The following C3orf18 variants were observed in gnomAD, a reference collection of about 807,000 sequenced individuals.
The protein encoded by C3orf18 is uncharacterized protein C3orf18.
A neutral mutation model predicts 14.1 loss-of-function variants in C3orf18; 12 were observed. That is an observed-to-expected ratio of 0.85 (90% CI 0.55 to 1.38). The LOEUF (loss-of-function observed/expected upper bound fraction) is 1.38, where lower values mean the gene tolerates loss of function less well. Among genes scored for constraint, C3orf18 ranks in the 40% most tolerant of loss-of-function variants. C3orf18 has a pLI of 0.00. For missense variants in C3orf18, 196 were observed against 213.9 expected (o/e 0.92, Z 0.52); for synonymous variants, 82 against 87.9 (o/e 0.93, Z 0.38).
rs1575820521 is a variant in C3orf18, at chr3:50,558,480, C to T, written c.*1177G>A. ...GGGACCCATCTCCCCACTCTCTAAA[C>T]ACTGAACGGCTCTTCCCATAGATGG... On this transcript the variant is annotated 3_prime_UTR_variant, in exon 6 of 6. Transcript: ENST00000357203. The T allele has an allele frequency of 2.8e-6, 1 of 357,984 alleles. No individual in the cohort carries two copies. The highest frequency in any genetic ancestry group is 5.4e-6 in the Non-Finnish European group (1 of 185,602). The allele number at this position is 357,984 out of a possible 1,614,324, so 22.2% of individuals were successfully genotyped here.
chr3:50,560,848 A>G, intron 5 of C3orf18, 69 bp downstream of exon 5: 1 of 1,489,242 alleles, frequency 6.7e-7, no homozygotes, highest in Non-Finnish European at 9.1e-7. Context: ...CTGCATGAGA[A>G]AGGAGGGAGG....
rs762701877 is a variant in C3orf18 at position 50,560,883 on chromosome 3, T to G, written c.408+34A>C. 1.9e-6 allele frequency: 3 copies of G among 1,579,842 alleles called. No homozygotes were observed. The Admixed American group carries it at 5.2e-5, about 27-fold the overall frequency. On this transcript the variant is annotated intron_variant, in intron 5 of 5. Transcript: ENST00000357203. ...GGTGAGGGTGGAGGACAGAGGATGC[T>G]GCAGGCGGGGTGGGGAGCCTGGTCA...
chr3:50,572,262 A>G (rs780084713), upstream of C3orf18: 13 of 1,570,242 alleles, frequency 8.3e-6, no homozygotes, highest in Non-Finnish European at 1.1e-5. Context: ...AGTTCAGGGC[A>G]CCAGTCTTAC....
chr3:50,571,950 T>C, upstream of C3orf18: 2 of 1,311,946 alleles, frequency 1.5e-6, no homozygotes, highest in Non-Finnish European at 2.1e-6. Flanking sequence ...GCCGGGGTAC[T>C]GAATAGGAAG....
In C3orf18 at chr3:50,560,859, G is replaced by A. The variant is rs1365729437; in HGVS notation, c.408+58C>T. 19 of 1,530,022 alleles carry A rather than the reference G, an allele frequency of 1.2e-5. No homozygotes were observed. The East Asian group carries it at 3.9e-4, about 31-fold the overall frequency. The allele number at this position is 1,530,022 out of a possible 1,614,324, so 94.8% of individuals were successfully genotyped here. A position where few individuals can be genotyped will look rare whatever the true frequency, so the allele number is the denominator to read the frequency against. On this transcript the variant is annotated intron_variant, in intron 5 of 5. Coordinates refer to ENST00000357203, the MANE Select transcript of C3orf18 (RefSeq NM_016210.5). ...AAAGCTGCATGAGAAAGGAGGGAGGGTGAGGGTGGAGGACAGAGGATGCTG... is the reference window on the plus strand; with the variant it reads ...AAAGCTGCATGAGAAAGGAGGGAGGATGAGGGTGGAGGACAGAGGATGCTG...
chr3:50,561,144 T>C, intron 4 of C3orf18, 80 bp from the exon 5 acceptor site: 2 of 1,456,270 alleles, frequency 1.4e-6, no homozygotes. Context: ...GCCTCCTGAC[T>C]AGCTGAGCCA....
upstream of C3orf18, among the ~76,000 whole-genome samples, chr3:50,568,467 C>T (rs774557380): frequency 6.6e-6 from 1 of 152,144 alleles, no homozygotes; most frequent in Non-Finnish European, 1.5e-5. Context: ...GTGGCTCACT[C>T]CTGTAATCCC....
chr3:50,561,667 G>C, intron 4 of C3orf18, 55 bp downstream of exon 4: 1 of 1,568,862 alleles, frequency 6.4e-7, no homozygotes, highest in South Asian at 1.1e-5. Context: ...GCCCAGCCCA[G>C]CACTCCCCAT....
upstream of C3orf18, chr3:50,571,148 C>A (rs764772073): frequency 3.1e-6 from 5 of 1,612,516 alleles, no homozygotes; most frequent in Non-Finnish European, 2.5e-6. Flanking sequence ...CTGTCTGGCC[C>A]AGGGAGGAGG....
chr3:50,571,944 G>T (rs1052047702), upstream of C3orf18: 4 of 1,295,420 alleles, frequency 3.1e-6, no homozygotes, highest in Non-Finnish European at 4.4e-6. Context: ...AGTGGGGCCG[G>T]GGTACTGAAT....
Position 50,562,016 on chromosome 3 carries a change from A to C in C3orf18, c.235-269T>G. 3 of 591,022 alleles carry C rather than the reference A, an allele frequency of 5.1e-6. No homozygotes were observed. In the South Asian group the frequency reaches 6.2e-5, roughly 12 times the overall value. 36.6% of individuals were successfully genotyped at this position (591,022 alleles called of 1,614,324 possible). ...CAAGGTTCAAGTGATTCTCCTGCCT[A>C]AGCCTCCTGAGTAGCTAGGATTACA... On this transcript the variant is annotated intron_variant, in intron 3 of 5. Coordinates refer to ENST00000357203, the MANE Select transcript of C3orf18 (RefSeq NM_016210.5).
Position 50,565,808 on chromosome 3 carries a change from G to A in C3orf18, c.-109C>T. On this transcript the variant is annotated 5_prime_UTR_variant, in exon 3 of 6. Coordinates refer to ENST00000357203, the MANE Select transcript of C3orf18 (RefSeq NM_016210.5). This position sits in a 1 kb window ranked among gnomAD's most constrained non-coding sequence, Gnocchi z 4.4. ...CCTGTGGTTCCTGCCACCTGTGGTG[G>A]CCACCTGCACAGCCACCTCCTTGGA... The A allele has an allele frequency of 1.3e-6, 1 of 759,724 alleles. No homozygotes were observed. 47.1% of individuals were successfully genotyped at this position (759,724 alleles called of 1,614,324 possible).
chr3:50,562,455 T>A (rs112363328), intron 3 of C3orf18: 2 of 454,430 alleles, frequency 4.4e-6, no homozygotes, highest in Admixed American at 4.7e-5. Context: ...CAAAGCCACA[T>A]GCAGGCAAAA....
At chr3:50,574,283 G>A (rs1701333419), upstream of C3orf18, among the ~76,000 whole-genome samples, 1 of 152,226 alleles carries the variant, frequency 6.6e-6, no homozygotes, top group African/African-American at 2.4e-5. Context: ...GGCTGAGGGA[G>A]GCTCTTCACT....
chr3:50,559,499 G>A lies in C3orf18; in HGVS notation c.*158C>T, dbSNP rs972797485. The stretch of plus-strand genomic sequence containing the variant: ...CTAGGGCCCTCTCTTAGAGTCTAAA[G>A]TCAGCAGGTGGGTCTGGAGAACAGC... On this transcript the variant is annotated 3_prime_UTR_variant, in exon 6 of 6. Transcript: ENST00000357203. 150 of 1,429,708 alleles carry A rather than the reference G, an allele frequency of 1.0e-4. 1 individual carries two copies. The highest frequency in any genetic ancestry group is 3.0e-5 in the Admixed American group (1 of 33,090). The allele number at this position is 1,429,708 out of a possible 1,614,324, so 88.6% of individuals were successfully genotyped here.
intron 3 of C3orf18, among the ~76,000 whole-genome samples, chr3:50,564,754 GCA>G (rs1700183071): frequency 6.6e-6 from 1 of 152,102 alleles, no homozygotes; most frequent in South Asian, 2.1e-4. Context: ...AGCCTCCCAT[GCA>G]CAGATCATCT....
Position 50,558,626 on chromosome 3 carries a change from C to A in C3orf18, c.*1031G>T. 8.5e-7 allele frequency: 1 copy of A among 1,180,992 alleles called. No homozygotes were observed. The highest frequency in any genetic ancestry group is 1.1e-6 in the Non-Finnish European group (1 of 910,136). The allele number at this position is 1,180,992 out of a possible 1,614,324, so 73.2% of individuals were successfully genotyped here. A position where few individuals can be genotyped will look rare whatever the true frequency, so the allele number is the denominator to read the frequency against. ...TCTAGCCTGCAGCCTGTGATTACTGCCCTCAGACCAACAGCCTCTCCCAAC... is the reference window on the plus strand; with the variant it reads ...TCTAGCCTGCAGCCTGTGATTACTGACCTCAGACCAACAGCCTCTCCCAAC... On this transcript the variant is annotated 3_prime_UTR_variant, in exon 6 of 6. Transcript: ENST00000357203.
chr3:50,561,306 A>T (rs927253050), intron 4 of C3orf18, among the ~76,000 whole-genome samples: 7 of 152,238 alleles, frequency 4.6e-5, no homozygotes, highest in Non-Finnish European at 1.5e-5. Flanking sequence ...TACGCCAAGT[A>T]GCTGTCATCC....
chr3:50,565,800 C>G lies in C3orf18; in HGVS notation c.-101G>C. On this transcript the variant is annotated 5_prime_UTR_variant, in exon 3 of 6. Coordinates refer to ENST00000357203, the MANE Select transcript of C3orf18 (RefSeq NM_016210.5). The surrounding 1 kb of genome is among the most constrained non-coding windows in gnomAD (Gnocchi z 4.4). ...TGCCCCAGCCTGTGGTTCCTGCCAC[C>G]TGTGGTGGCCACCTGCACAGCCACC... is the stretch of plus-strand genomic sequence containing the variant. The G allele has an allele frequency of 1.2e-6, 1 of 835,936 alleles. No individual in the cohort carries two copies. Among genetic ancestry groups the G allele is most frequent in the Non-Finnish European group, 1.9e-6 (1 of 538,730 alleles). The allele number at this position is 835,936 out of a possible 1,614,324, so 51.8% of individuals were successfully genotyped here. A position where few individuals can be genotyped will look rare whatever the true frequency, so the allele number is the denominator to read the frequency against.
Sources: gnomAD v4.1 joint callset for allele counts (sites outside exome capture counted in the v4.1 genomes callset) on GRCh38, gnomAD v4.1.1 for gene constraint, Gnocchi (gnomAD v3.1) non-coding constraint, MANE v1.5 for transcripts, NCBI Gene and HGNC (gene_info 2026-07-23, HGNC 2026-07-21) for gene names.